The following ZNF623 variants were observed in gnomAD, a reference collection of about 807,000 sequenced individuals.
ZNF623 encodes zinc finger protein 623.
A neutral mutation model predicts 24.0 loss-of-function variants in ZNF623; 16 were observed. That is an observed-to-expected ratio of 0.67 (90% CI 0.45 to 1.01). The LOEUF (loss-of-function observed/expected upper bound fraction) is 1.01, where lower values mean the gene tolerates loss of function less well. Among genes scored for constraint, ZNF623 ranks in the 50% least tolerant of loss-of-function variants. The probability of loss-of-function intolerance (pLI) is 0.00; values close to 1 mark genes in which losing one functional copy is unlikely to be tolerated. For missense variants in ZNF623, 566 were observed against 606.5 expected, an observed-to-expected ratio of 0.93 and a Z score of 0.70; for synonymous variants, 224 against 219.8, an observed-to-expected ratio of 1.02 and a Z score of -0.17.
chr8:143,643,543 A>G (rs1354669045), intron 1 of ZNF623, among the ~76,000 whole-genome samples: 1 of 152,182 alleles, frequency 6.6e-6, no homozygotes, highest in Non-Finnish European at 1.5e-5. Flanking sequence ...GGGGTTGGAT[A>G]GAGCATCCCA....
At chr8:143,648,108 AG>A (rs1158413300) in intron 1 of ZNF623, among the ~76,000 whole-genome samples, 9 of 152,148 alleles carry the variant, frequency 5.9e-5, no homozygotes, top group African/African-American at 2.2e-4. Context: ...AAAGAAGGCC[AG>A]GTTGGAGGCA....
intron 1 of ZNF623, among the ~76,000 whole-genome samples, chr8:143,641,368 A>G (rs62522224): frequency 0.43 from 64,299 of 151,234 alleles, 14,686 homozygotes; most frequent in East Asian, 0.8. Flanking sequence ...TGTGTTGGCA[A>G]AAGAAGAACA....
intron 1 of ZNF623, among the ~76,000 whole-genome samples, chr8:143,645,267 C>T (rs1399387480): frequency 4.6e-5 from 7 of 152,130 alleles, no homozygotes; most frequent in Non-Finnish European, 1.0e-4. Flanking sequence ...CGGTGAAACC[C>T]CGTCTCTCCT....
intron 1 of ZNF623, among the ~76,000 whole-genome samples, chr8:143,648,568 C>T (rs887934074): frequency 2.6e-5 from 4 of 151,930 alleles, no homozygotes; most frequent in African/African-American, 7.3e-5. Context: ...TGGGAACTGG[C>T]GCACTTCTTC....
Position 143,651,673 on chromosome 8 carries a change from A to G in ZNF623, c.*190A>G, listed in dbSNP as rs1376811457. 3.3e-6 allele frequency: 2 copies of G among 600,702 alleles called. No individual in the cohort carries two copies. The highest frequency in any genetic ancestry group is 2.7e-5 in the South Asian group (1 of 37,490). The allele number at this position is 600,702 out of a possible 1,614,324, so 37.2% of individuals were successfully genotyped here. A position where few individuals can be genotyped will look rare whatever the true frequency, so the allele number is the denominator to read the frequency against. On this transcript the variant is annotated 3_prime_UTR_variant, in exon 2 of 2. Transcript: ENST00000526926. ...CTCCTCAGCTGTGAGCACTGTCCTC[A>G]GGAGAGTCACAGGGCTTGACACCTG...
chr8:143,653,590 C>T lies in ZNF623; in HGVS notation c.*2107C>T, dbSNP rs1815388562. 1 of 167,072 alleles carries T rather than the reference C, an allele frequency of 6.0e-6. No individual in the cohort carries two copies. The highest frequency in any genetic ancestry group is 1.5e-5 in the Non-Finnish European group (1 of 68,108). The allele number at this position is 167,072 out of a possible 1,614,324, so 10.3% of individuals were successfully genotyped here. On this transcript the variant is annotated 3_prime_UTR_variant, in exon 2 of 2. Coordinates refer to ENST00000526926, the MANE Select transcript of ZNF623 (RefSeq NM_001261843.2). ...CCTTTTGCCTTTTCCTAGTTAAGCCCACTCCAGCCCCAGATAACCACTTTC... is the reference window on the plus strand; with the variant it reads ...CCTTTTGCCTTTTCCTAGTTAAGCCTACTCCAGCCCCAGATAACCACTTTC...
Position 143,650,972 on chromosome 8 carries a change from G to A in ZNF623, c.980G>A (p.Arg327Lys). The A allele has an allele frequency of 6.8e-6, 11 of 1,614,112 alleles. No individual in the cohort carries two copies. Among genetic ancestry groups the A allele is most frequent in the Non-Finnish European group, 9.3e-6 (11 of 1,180,032 alleles). The change falls in exon 2 of 2, where the codon AGA becomes AAA. Residue 327 changes from arginine (R) to lysine (K), a missense_variant. This residue lies in a region of ZNF623 where 117 missense variants were observed against 174.2 expected (regional missense o/e 0.67). Transcript: ENST00000526926. This position sits in a 1 kb window ranked among gnomAD's most constrained non-coding sequence, Gnocchi z 5.2. The stretch of plus-strand genomic sequence containing the variant: ...ACGTCAAACTTCACCCAGCATCAGA[G>A]AATTCACACTGGAGAGAAACTCTAT... ...SQTSNFTQHQRIHTGEKLYEC... is the reference protein window; with the variant it reads ...SQTSNFTQHQKIHTGEKLYEC...
rs1318772651 is a variant in ZNF623 at position 143,651,374 on chromosome 8, A to C, written c.1382A>C (p.Asn461Thr). 2.5e-6 allele frequency: 4 copies of C among 1,614,166 alleles called. No homozygotes were observed. In the East Asian group the frequency reaches 6.7e-5, roughly 27 times the overall value. The change falls in exon 2 of 2, where the codon AAC becomes ACC. Residue 461 changes from asparagine to threonine, a missense_variant. Physicochemically the swap from Asn to Thr is moderately conservative, Grantham distance 65 (BLOSUM62 0). This residue lies in a region of ZNF623 where 136 missense variants were observed against 131.9 expected (regional missense o/e 1.03). Coordinates refer to ENST00000526926, the MANE Select transcript of ZNF623 (RefSeq NM_001261843.2). ...GGGAGAGATTTTAACTCAACTACAAACGTTAAAAATAATCAAAGGGTTCAC... is the reference window on the plus strand; with the variant it reads ...GGGAGAGATTTTAACTCAACTACAACCGTTAAAAATAATCAAAGGGTTCAC... Reference protein sequence around the residue: ...QYGRDFNSTTNVKNNQRVHQE... With the variant: ...QYGRDFNSTTTVKNNQRVHQE...
intron 1 of ZNF623, among the ~76,000 whole-genome samples, chr8:143,646,538 G>GGTATGTGCGTGT (rs879847250): frequency 1.7e-3 from 208 of 122,982 alleles, no homozygotes; most frequent in African/African-American, 6.7e-3. Context: ...TTGCCTGTGG[G>GGTATGTGCGTGT]GTGTGTGCGT....
chr8:143,638,872 A>G (rs1459370532), intron 1 of ZNF623, among the ~76,000 whole-genome samples: 2 of 151,936 alleles, frequency 1.3e-5, no homozygotes, highest in African/African-American at 4.8e-5. Context: ...ACAAGAAACC[A>G]ACATCTCCAC....
At chr8:143,649,817 A>C in intron 1 of ZNF623, 81 bp from the exon 2 acceptor site, 1 of 1,524,128 alleles carries the variant, frequency 6.6e-7, no homozygotes, top group African/African-American at 1.4e-5. Flanking sequence ...CCTCTTGGAT[A>C]TGGATTTTAT....
chr8:143,646,642 G>A (rs1314257468), intron 1 of ZNF623, among the ~76,000 whole-genome samples: 2 of 151,922 alleles, frequency 1.3e-5, no homozygotes, highest in African/African-American at 2.4e-5. Context: ...CTGAAATTGA[G>A]TTGCCTGTTA....
intron 1 of ZNF623, among the ~76,000 whole-genome samples, chr8:143,649,199 A>G (rs1445377791): frequency 6.6e-6 from 1 of 151,532 alleles, no homozygotes; most frequent in Non-Finnish European, 1.5e-5. Context: ...AATGGTGTGA[A>G]CCCAGGAGGC....
Position 143,650,337 on chromosome 8 carries a change from G to T in ZNF623, c.345G>T (p.Gln115His), listed in dbSNP as rs1815270315. ...HAGEKPYTCD[Q>H]CGKGFGQSSH... is the part of the protein sequence containing the mutation. The stretch of plus-strand genomic sequence containing the variant: ...GGGAGAAACCTTACACGTGCGATCA[G>T]TGTGGGAAAGGCTTTGGCCAGAGCT... Residue 115 changes from glutamine to histidine, a missense_variant, in exon 2 of 2, where the codon CAG becomes CAT. By Grantham distance (24) the Gln-to-His change is conservative. This residue lies in a region of ZNF623 where 313 missense variants were observed against 300.4 expected (regional missense o/e 1.04). Coordinates refer to ENST00000526926, the MANE Select transcript of ZNF623 (RefSeq NM_001261843.2). The surrounding 1 kb of genome is among the most constrained non-coding windows in gnomAD (Gnocchi z 5.2). The T allele has an allele frequency of 6.2e-7, 1 of 1,614,258 alleles. No individual in the cohort carries two copies. Among genetic ancestry groups the T allele is most frequent in the Non-Finnish European group, 8.5e-7 (1 of 1,180,048 alleles).
At chr8:143,638,759 A>AATAT (rs113265661) in intron 1 of ZNF623, among the ~76,000 whole-genome samples, 1 of 151,406 alleles carries the variant, frequency 6.6e-6, no homozygotes, top group Non-Finnish European at 1.5e-5. Flanking sequence ...TGTCTCAAAA[A>AATAT]ATATATATAT....
At position 143,652,255 on chromosome 8, in the gene ZNF623, A is replaced by G. The variant is rs766275788; in HGVS notation, c.*772A>G. On this transcript the variant is annotated 3_prime_UTR_variant, in exon 2 of 2. Transcript: ENST00000526926. Reference sequence around the variant, plus strand: ...ATTACTATATTTACTTGCATATGTCAGAATGATGTGATAGACTATCTCTGT... The same window carrying G: ...ATTACTATATTTACTTGCATATGTCGGAATGATGTGATAGACTATCTCTGT... 1.4e-4 allele frequency: 24 copies of G among 167,124 alleles called. No homozygotes were observed. Among genetic ancestry groups the G allele is most frequent in the African/African-American group, 5.8e-4 (24 of 41,454 alleles). 10.4% of individuals were successfully genotyped at this position (167,124 alleles called of 1,614,324 possible). A position where few individuals can be genotyped will look rare whatever the true frequency, so the allele number is the denominator to read the frequency against.
rs568411276 is a variant in ZNF623 at position 143,651,289 on chromosome 8, A to G, written c.1297A>G (p.Asn433Asp). 3 of 1,614,216 alleles carry G rather than the reference A, an allele frequency of 1.9e-6. No individual in the cohort carries two copies. Among genetic ancestry groups the G allele is most frequent in the East Asian group, 2.2e-5 (1 of 44,884 alleles). Residue 433 changes from asparagine (N) to aspartate (D), a missense_variant, in exon 2 of 2, where the codon AAC (asparagine) becomes GAC (aspartate). Asn to Asp is a conservative substitution (Grantham distance 23). This residue lies in a region of ZNF623 where 136 missense variants were observed against 131.9 expected (regional missense o/e 1.03). Transcript: ENST00000526926. ...YCGKGFIQRS[N>D]FLQHQKIHTE... ...TGGGAAAGGCTTTATTCAGAGGTCAAACTTCCTTCAACACCAGAAAATTCA... is the reference window on the plus strand; with the variant it reads ...TGGGAAAGGCTTTATTCAGAGGTCAGACTTCCTTCAACACCAGAAAATTCA...
Position 143,650,980 on chromosome 8 carries a change from A to T in ZNF623, c.988A>T (p.Thr330Ser). The T allele has an allele frequency of 6.2e-7, 1 of 1,614,114 alleles. No homozygotes were observed. Among genetic ancestry groups the T allele is most frequent in the South Asian group, 1.1e-5 (1 of 91,080 alleles). Residue 330 changes from threonine to serine, a missense_variant, in exon 2 of 2, where the codon ACT (threonine) becomes TCT (serine). By Grantham distance (58) the Thr-to-Ser change is moderately conservative. Coordinates refer to ENST00000526926, the MANE Select transcript of ZNF623 (RefSeq NM_001261843.2). This position sits in a 1 kb window ranked among gnomAD's most constrained non-coding sequence, Gnocchi z 5.2. ...SNFTQHQRIH[T>S]GEKLYECNEC... ...CTTCACCCAGCATCAGAGAATTCAC[A>T]CTGGAGAGAAACTCTATGAATGTAA...
intron 1 of ZNF623, among the ~76,000 whole-genome samples, chr8:143,645,265 C>G (rs1003734746): frequency 6.6e-6 from 1 of 152,048 alleles, no homozygotes; most frequent in Admixed American, 6.5e-5. Flanking sequence ...AACGGTGAAA[C>G]CCCGTCTCTC....
Sources: gnomAD v4.1 joint callset for allele counts (sites outside exome capture counted in the v4.1 genomes callset) on GRCh38, gnomAD v4.1.1 for gene constraint, gnomAD v4.1.1 regional missense constraint, Gnocchi (gnomAD v3.1) non-coding constraint, MANE v1.5 for transcripts, NCBI Gene and HGNC (gene_info 2026-07-23, HGNC 2026-07-21) for gene names.